AKAP6: variants seen among roughly 807,000 people sequenced by gnomAD.
AKAP6 encodes the protein A-kinase anchor protein 6.
Under a neutral mutation model 188.5 loss-of-function variants are expected in AKAP6, and 58 were observed. That is an observed-to-expected ratio of 0.31 (90% CI 0.25 to 0.38). The LOEUF is 0.38. AKAP6 is among the 10% of genes least tolerant of loss of function. The pLI is 1.00. For synonymous variants in AKAP6, 989 were observed against 998.6 expected, an observed-to-expected ratio of 0.99 and a Z score of 0.18; for missense variants, 2,710 against 2,740.0, an observed-to-expected ratio of 0.99 and a Z score of 0.24.
At chr14:32,510,449 T>TGTATATATATATAC (rs1881178773) in intron 2 of AKAP6, among the ~76,000 whole-genome samples, 9 of 21,502 alleles carry the variant, frequency 4.2e-4, no homozygotes, top group African/African-American at 2.0e-3. Context: ...TATATATATA[T>TGTATATATATATAC]ACATATATAT....
chr14:32,551,045 A>G (rs1421025325), intron 4 of AKAP6, among the ~76,000 whole-genome samples: 1 of 152,200 alleles, frequency 6.6e-6, no homozygotes, highest in Non-Finnish European at 1.5e-5. Context: ...GAGGTCCTAC[A>G]TGGACTGTTC....
At chr14:32,490,333 C>T (rs747489153) in intron 2 of AKAP6, among the ~76,000 whole-genome samples, 9 of 152,026 alleles carry the variant, frequency 5.9e-5, no homozygotes, top group Non-Finnish European at 1.2e-4. Context: ...GAGGTTTGTC[C>T]GTGAATGTTG....
intron 11 of AKAP6, among the ~76,000 whole-genome samples, chr14:32,751,214 T>C (rs10143512): frequency 0.089 from 13,530 of 152,106 alleles, 1,251 homozygotes; most frequent in East Asian, 0.36. Flanking sequence ...GTACTGGCTA[T>C]TGGATCATCT....
At chr14:32,738,834 G>A (rs1171858494) in intron 11 of AKAP6, among the ~76,000 whole-genome samples, 2 of 152,102 alleles carry the variant, frequency 1.3e-5, no homozygotes, top group African/African-American at 4.8e-5. Flanking sequence ...GAATTACTCA[G>A]CTCTGCCATC....
At chr14:32,536,735 A>G (rs1296193164) in intron 3 of AKAP6, among the ~76,000 whole-genome samples, 1 of 152,232 alleles carries the variant, frequency 6.6e-6, no homozygotes, top group Non-Finnish European at 1.5e-5. Context: ...TGGACCCTGT[A>G]CATCTGAATT....
chr14:32,820,119 G>A (rs531249132), intron 12 of AKAP6, among the ~76,000 whole-genome samples: 16 of 152,152 alleles, frequency 1.1e-4, no homozygotes, highest in African/African-American at 3.9e-4. Context: ...TAAGCAGCTT[G>A]TCCAAGGTCA....
intron 2 of AKAP6, among the ~76,000 whole-genome samples, chr14:32,515,045 A>G (rs1213528689): frequency 6.6e-6 from 1 of 152,198 alleles, no homozygotes; most frequent in African/African-American, 2.4e-5. Flanking sequence ...ATGCTACTAA[A>G]AAAAGACATA....
At chr14:32,385,078 T>A (rs1048235552) in intron 1 of AKAP6, 6 of 151,900 alleles carry the variant, frequency 3.9e-5, no homozygotes, top group African/African-American at 1.4e-4. Flanking sequence ...TCACCTGTCA[T>A]GATGCTGTCG....
At chr14:32,795,142 A>G (rs527725395) in intron 12 of AKAP6, among the ~76,000 whole-genome samples, 63 of 152,322 alleles carry the variant, frequency 4.1e-4, no homozygotes, top group Non-Finnish European at 7.5e-4. Flanking sequence ...GCAGTAATAA[A>G]TAGCCCACCA....
chr14:32,618,201 A>G (rs976567686), intron 7 of AKAP6, among the ~76,000 whole-genome samples: 14 of 152,164 alleles, frequency 9.2e-5, no homozygotes, highest in Non-Finnish European at 2.1e-4. Context: ...CCATTAAAAA[A>G]ATTTTTCAGT....
At chr14:32,415,938 C>T (rs1184526363) in intron 1 of AKAP6, among the ~76,000 whole-genome samples, 1 of 152,134 alleles carries the variant, frequency 6.6e-6, no homozygotes, top group African/African-American at 2.4e-5. Context: ...TTTTGCCATT[C>T]ATCTGTTGAT....
intron 7 of AKAP6, among the ~76,000 whole-genome samples, chr14:32,660,929 C>T (rs1012176920): frequency 1.1e-5 from 1 of 93,026 alleles, no homozygotes; most frequent in Non-Finnish European, 2.1e-5. Context: ...CCGCCACCCC[C>T]CCCCCTCCCA....
intron 3 of AKAP6, among the ~76,000 whole-genome samples, chr14:32,536,069 A>G (rs994395581): frequency 3.9e-5 from 6 of 152,224 alleles, no homozygotes; most frequent in African/African-American, 7.2e-5. Context: ...CTCTTCAATT[A>G]TTTAATAAAT....
intron 9 of AKAP6, among the ~76,000 whole-genome samples, chr14:32,714,976 C>G (rs1175145260): frequency 6.6e-6 from 1 of 151,914 alleles, no homozygotes; most frequent in African/African-American, 2.4e-5. Context: ...GAAGTCTACA[C>G]CCTGGGAGAC....
chr14:32,363,000 C>G (rs9322899), intron 1 of AKAP6, among the ~76,000 whole-genome samples: 33,142 of 151,976 alleles, frequency 0.22, 3,858 homozygotes, highest in East Asian at 0.39. Context: ...GACAGAAAAG[C>G]ATAAGCCAAA....
At chr14:32,609,004 G>C (rs1886243041) in intron 7 of AKAP6, among the ~76,000 whole-genome samples, 1 of 152,178 alleles carries the variant, frequency 6.6e-6, no homozygotes, top group Admixed American at 6.5e-5. Flanking sequence ...AATTACCTCA[G>C]TGTGTGACTT....
intron 12 of AKAP6, among the ~76,000 whole-genome samples, chr14:32,780,069 C>T (rs1195200690): frequency 6.6e-6 from 1 of 150,594 alleles, no homozygotes; most frequent in Non-Finnish European, 1.5e-5. Flanking sequence ...TAGTCACATG[C>T]TCATTGCATC....
At chr14:32,727,885 GA>G (rs1315000349) in intron 9 of AKAP6, among the ~76,000 whole-genome samples, 1 of 152,096 alleles carries the variant, frequency 6.6e-6, no homozygotes, top group Non-Finnish European at 1.5e-5. Context: ...CTTCAGTTTT[GA>G]ACATCTTCTT....
At chr14:32,399,558 G>A (rs925822663) in intron 1 of AKAP6, among the ~76,000 whole-genome samples, 7 of 152,062 alleles carry the variant, frequency 4.6e-5, no homozygotes, top group African/African-American at 1.7e-4. Context: ...GCCTTCTGGG[G>A]ACTCCCCACC....
Sources: gnomAD v4.1 joint callset for allele counts (sites outside exome capture counted in the v4.1 genomes callset) on GRCh38, gnomAD v4.1.1 for gene constraint, MANE v1.5 for transcripts, NCBI Gene and HGNC (gene_info 2026-07-23, HGNC 2026-07-21) for gene names.